Variants in TGS1 observed in about 807,000 individuals in gnomAD.
The protein encoded by TGS1 is trimethylguanosine synthase 1, also known as trimethylguanosine synthase.
TGS1 carries 69 observed loss-of-function variants against 92.2 expected under a neutral mutation model. That is an observed-to-expected ratio of 0.75 (90% CI 0.62 to 0.91). The LOEUF (loss-of-function observed/expected upper bound fraction) is 0.91. Ranked by LOEUF, TGS1 falls within the 40% of genes least tolerant of loss-of-function variation. The pLI is 0.00. For synonymous variants in TGS1, 345 were observed against 338.1 expected, an observed-to-expected ratio of 1.02 and a Z score of -0.22; for missense variants, 1,062 against 1,001.2, an observed-to-expected ratio of 1.06 and a Z score of -0.82.
intron 1 of TGS1, among the ~76,000 whole-genome samples, chr8:55,779,626 G>A (rs978185676): frequency 6.6e-6 from 1 of 152,204 alleles, no homozygotes; most frequent in Admixed American, 6.5e-5. Flanking sequence ...GTATGATCGG[G>A]TACTGATGCT....
chr8:55,775,161 A>G (rs948186330), intron 1 of TGS1, among the ~76,000 whole-genome samples: 5 of 151,934 alleles, frequency 3.3e-5, no homozygotes, highest in African/African-American at 1.2e-4. Flanking sequence ...GGCTTGGGCC[A>G]GATGCTCTCT....
chr8:55,790,191 A>C lies in TGS1; in HGVS notation c.1172A>C (p.Lys391Thr). 6.2e-7 allele frequency: 1 copy of C among 1,613,346 alleles called. No homozygotes were observed. Among genetic ancestry groups the C allele is most frequent in the South Asian group, 1.1e-5 (1 of 90,960 alleles). The change falls in exon 5 of 13, where the codon AAG (lysine) becomes ACG (threonine). Residue 391 changes from lysine to threonine, a missense_variant. Transcript: ENST00000260129. ...NTDPPAEDSQ[K>T]SSGANTSKDR... The stretch of plus-strand genomic sequence containing the variant: ...ATTTCTGCCTCTTTAGATTCACAGA[A>C]GTCTTCAGGAGCAAACACAAGCAAA...
At chr8:55,814,649 C>T (rs1466211575) in intron 12 of TGS1, among the ~76,000 whole-genome samples, 11 of 138,582 alleles carry the variant, frequency 7.9e-5, no homozygotes, top group South Asian at 2.3e-4. Flanking sequence ...GGCAAAACCC[C>T]GTCTCTACTT....
rs577483130 is a variant in TGS1, at chr8:55,798,712, CTT to C, written c.1543-199_1543-198del. On this transcript the variant is annotated intron_variant, in intron 7 of 12. Coordinates refer to ENST00000260129, the MANE Select transcript of TGS1 (RefSeq NM_024831.8). ...GATATTTTTTTCCTTTTAAAGAAAA[CTT>C]TTAATAAGGTCATGGCATGCCCAGA... is the stretch of plus-strand genomic sequence containing the variant. 1.6e-3 allele frequency among the ~76,000 whole-genome samples: 243 copies of C among 152,212 alleles called. 1 individual carries two copies. The highest frequency in any genetic ancestry group is 5.5e-3 in the African/African-American group (229 of 41,540).
intron 1 of TGS1, among the ~76,000 whole-genome samples, chr8:55,776,308 T>C (rs1424021268): frequency 1.5e-5 from 2 of 133,134 alleles, no homozygotes; most frequent in East Asian, 2.2e-4. Context: ...TGAGACAGAG[T>C]CTCGCTTTGT....
In TGS1 at chr8:55,786,717, C is replaced by A. The variant is rs748458642; in HGVS notation, c.819C>A (p.Tyr273Ter). 3.1e-6 allele frequency: 5 copies of A among 1,614,150 alleles called. No homozygotes were observed. Among genetic ancestry groups the A allele is most frequent in the Non-Finnish European group, 4.2e-6 (5 of 1,180,020 alleles). Reference protein sequence around the residue: ...DASQSCDTDTYTSKTEADDKN... With the variant: ...DASQSCDTDT ...CGCAAAGCTGTGATACAGATACTTA[C>A]ACATCTAAAACAGAAGCTGATGACA... Residue 273 changes from tyrosine to a stop codon, truncating the protein, a stop_gained, in exon 4 of 13, where the codon TAC becomes TAA. Coordinates refer to ENST00000260129, the MANE Select transcript of TGS1 (RefSeq NM_024831.8). LOFTEE classifies it high-confidence loss of function.
At chr8:55,812,905 G>T (rs1803376400) in intron 11 of TGS1, 135 bp from the exon 12 acceptor site, 1 of 649,166 alleles carries the variant, frequency 1.5e-6, no homozygotes, top group Non-Finnish European at 2.7e-6. Flanking sequence ...TCTCTTTTAG[G>T]TTCCATTAGA....
chr8:55,785,627 G>T (rs1811686131), intron 2 of TGS1, 92 bp from the exon 3 acceptor site: 2 of 921,872 alleles, frequency 2.2e-6, no homozygotes, highest in Admixed American at 3.3e-5. Flanking sequence ...TTTTGGGCGG[G>T]TCACTCTGGA....
At position 55,812,111 on chromosome 8, in the gene TGS1, G is replaced by A. The variant is rs915413218; in HGVS notation, c.2361-929G>A. Reference sequence around the variant, plus strand: ...ATTTTTCCTGTTACTCTTCCAAGACGTCGAAGCAAACCCTTATTTCATAGA... The same window carrying A: ...ATTTTTCCTGTTACTCTTCCAAGACATCGAAGCAAACCCTTATTTCATAGA... On this transcript the variant is annotated intron_variant, in intron 11 of 12. Transcript: ENST00000260129. 3.3e-5 allele frequency among the ~76,000 whole-genome samples: 5 copies of A among 152,226 alleles called. No individual in the cohort carries two copies. In the East Asian group the frequency reaches 7.7e-4, roughly 24 times the overall value.
At chr8:55,792,517 AC>A (rs1401668413) in intron 5 of TGS1, among the ~76,000 whole-genome samples, 180 bp from the exon 6 acceptor site, 2 of 152,094 alleles carry the variant, frequency 1.3e-5, no homozygotes, top group African/African-American at 4.8e-5. Context: ...CTGGGTACTT[AC>A]CTTATTTGGA....
chr8:55,802,393 A>G, intron 8 of TGS1, 64 bp from the exon 9 acceptor site: 1 of 1,364,312 alleles, frequency 7.3e-7, no homozygotes, highest in Non-Finnish European at 1.0e-6. Context: ...ATTTTTAGAT[A>G]AACTCACCTG....
chr8:55,826,389 A>G lies in TGS1; in HGVS notation c.*1686A>G, dbSNP rs770012523. Among the ~76,000 whole-genome samples the G allele has an allele frequency of 1.3e-5, 2 of 152,200 alleles. No individual in the cohort carries two copies. Among genetic ancestry groups the G allele is most frequent in the African/African-American group, 4.8e-5 (2 of 41,446 alleles). On this transcript the variant is annotated 3_prime_UTR_variant, in exon 13 of 13. Transcript: ENST00000260129. Reference sequence around the variant, plus strand: ...AGCTAAAACTAAGATATTGCTGCCCACTAATCACACAGGGATAAAACTAAT... The same window carrying G: ...AGCTAAAACTAAGATATTGCTGCCCGCTAATCACACAGGGATAAAACTAAT...
At chr8:55,781,038 C>T (rs954074682) in intron 1 of TGS1, among the ~76,000 whole-genome samples, 5 of 152,146 alleles carry the variant, frequency 3.3e-5, no homozygotes, top group Non-Finnish European at 5.9e-5. Flanking sequence ...TGGTTCCTTT[C>T]GTGGAAAATA....
At chr8:55,805,060 A>T in intron 10 of TGS1, 24 bp downstream of exon 10, 1 of 1,609,768 alleles carries the variant, frequency 6.2e-7, no homozygotes, top group South Asian at 1.1e-5. Context: ...AATGGAAGTG[A>T]ACTATTTTAT....
At chr8:55,784,048 A>C (rs1237229640) in intron 2 of TGS1, among the ~76,000 whole-genome samples, 1 of 152,198 alleles carries the variant, frequency 6.6e-6, no homozygotes, top group Non-Finnish European at 1.5e-5. Context: ...GAATTTGCAC[A>C]CAAGAGATTT....
intron 7 of TGS1, among the ~76,000 whole-genome samples, chr8:55,797,573 C>T (rs1304628909): frequency 6.6e-6 from 1 of 152,124 alleles, no homozygotes; most frequent in Non-Finnish European, 1.5e-5. Flanking sequence ...AAACACAGGC[C>T]AATTTATTGA....
chr8:55,777,953 T>A (rs1322123965), intron 1 of TGS1, among the ~76,000 whole-genome samples: 1 of 152,118 alleles, frequency 6.6e-6, no homozygotes, highest in Non-Finnish European at 1.5e-5. Context: ...AGGTATGTCT[T>A]GTTATCCTCA....
chr8:55,773,708 G>A lies in TGS1; in HGVS notation c.90G>A (p.Arg30=). 1.2e-6 allele frequency: 2 copies of A among 1,609,208 alleles called. No individual in the cohort carries two copies. The highest frequency in any genetic ancestry group is 2.2e-5 in the East Asian group (1 of 44,500). The change falls in exon 1 of 13, where the codon AGG becomes AGA. Residue 30 remains arginine, a synonymous_variant. Coordinates refer to ENST00000260129, the MANE Select transcript of TGS1 (RefSeq NM_024831.8). Reference sequence around the variant, plus strand: ...GTAAGATACTGTGCCTTTGCTCCAGGGCATTTGTGGAGTAAGTAGAAAAGA... The same window carrying A: ...GTAAGATACTGTGCCTTTGCTCCAGAGCATTTGTGGAGTAAGTAGAAAAGA... ...EDCKILCLCS[R]AFVEDRKLYN...
At chr8:55,775,035 AG>A (rs1399980188) in intron 1 of TGS1, among the ~76,000 whole-genome samples, 2 of 152,174 alleles carry the variant, frequency 1.3e-5, no homozygotes, top group African/African-American at 4.8e-5. Flanking sequence ...GGATCACTTG[AG>A]CCCGGAAGTT....
Sources: allele counts gnomAD v4.1 joint callset (sites outside exome capture counted in the v4.1 genomes callset), GRCh38; gene constraint gnomAD v4.1.1; transcripts MANE v1.5; gene names NCBI Gene and HGNC (gene_info 2026-07-23, HGNC 2026-07-21).